OR6C4: variants seen among roughly 807,000 people sequenced by gnomAD.
The protein encoded by OR6C4 is olfactory receptor family 6 subfamily C member 4, also known as olfactory receptor 6C4.
OR6C4 carries 20 observed loss-of-function variants against 15.1 expected under a neutral mutation model. That is an observed-to-expected ratio of 1.32 (90% CI 0.93 to 1.92). The LOEUF is 1.92. Ranked by LOEUF, OR6C4 falls within the 30% of genes most tolerant of loss-of-function variation. The probability of loss-of-function intolerance (pLI) is 0.00; values close to 1 mark genes in which losing one functional copy is unlikely to be tolerated. For missense variants in OR6C4, 491 were observed against 363.2 expected (o/e 1.35, Z -2.86); for synonymous variants, 179 against 134.2 (o/e 1.33, Z -2.31).
In OR6C4 at chr12:55,549,834, A is replaced by G. The variant is rs1421536989; in HGVS notation, c.-303A>G. On this transcript the variant is annotated 5_prime_UTR_variant, in exon 1 of 2. Coordinates refer to ENST00000641569, the MANE Select transcript of OR6C4 (RefSeq NM_001005494.2). ...ATGCTCTTTTTTCTGGTTAAGTTCC[A>G]TAAGTTTGGATACTTCTATTAAGAG... 2.0e-5 allele frequency: 3 copies of G among 152,170 alleles called. No individual in the cohort carries two copies. Among genetic ancestry groups the G allele is most frequent in the Non-Finnish European group, 2.9e-5 (2 of 68,032 alleles). The allele number at this position is 152,170 out of a possible 1,614,324, so 9.4% of individuals were successfully genotyped here. A position where few individuals can be genotyped will look rare whatever the true frequency, so the allele number is the denominator to read the frequency against.
chr12:55,551,775 G>A lies in OR6C4; in HGVS notation c.549G>A (p.Val183=). Residue 183 remains valine (V), a synonymous_variant, in exon 2 of 2, where the codon GTG becomes GTA. Transcript: ENST00000641569. ...ATTACTGTGACTATGGGCCTCTCGT[G>A]GAGCTTGCCTGCTCAGACACAAGCC... ...NHYYCDYGPL[V]ELACSDTSLL... 6.8e-6 allele frequency: 11 copies of A among 1,613,074 alleles called. No homozygotes were observed. The highest frequency in any genetic ancestry group is 1.7e-4 in the Middle Eastern group (1 of 6,054).
rs1873935955 is a variant in OR6C4, at chr12:55,553,601, G to C, written c.*1445G>C. ...TCTTGTTTTCTTTGGTTGCTAGCTAGAGATTAGTGATAATATTCAATATAT... is the reference window on the plus strand; with the variant it reads ...TCTTGTTTTCTTTGGTTGCTAGCTACAGATTAGTGATAATATTCAATATAT... On this transcript the variant is annotated 3_prime_UTR_variant, in exon 2 of 2. Coordinates refer to ENST00000641569, the MANE Select transcript of OR6C4 (RefSeq NM_001005494.2). The C allele has an allele frequency of 6.6e-6, 1 of 152,120 alleles. No individual in the cohort carries two copies. The highest frequency in any genetic ancestry group is 1.5e-5 in the Non-Finnish European group (1 of 68,026). 9.4% of individuals were successfully genotyped at this position (152,120 alleles called of 1,614,324 possible). A position where few individuals can be genotyped will look rare whatever the true frequency, so the allele number is the denominator to read the frequency against.
rs750973542 is a variant in OR6C4 at position 55,551,987 on chromosome 12, T to C, written c.761T>C (p.Met254Thr). 1.9e-6 allele frequency: 3 copies of C among 1,613,888 alleles called. No homozygotes were observed. In the South Asian group the frequency reaches 3.3e-5, roughly 18 times the overall value. The change falls in exon 2 of 2, where the codon ATG (methionine) becomes ACG (threonine). Residue 254 changes from methionine to threonine, a missense_variant. By Grantham distance (81) the Met-to-Thr change is moderately conservative. Transcript: ENST00000641569. ...IVISLSYGSC[M>T]FMYINPSAKE... ...ATCTCCCTCTCTTATGGCAGCTGCA[T>C]GTTTATGTACATTAATCCTTCTGCA... is the stretch of plus-strand genomic sequence containing the variant.
rs1193861863 is a variant in OR6C4 at position 55,551,899 on chromosome 12, A to G, written c.673A>G (p.Arg225Gly). 4 of 1,613,652 alleles carry G rather than the reference A, an allele frequency of 2.5e-6. No homozygotes were observed. Among genetic ancestry groups the G allele is most frequent in the Non-Finnish European group, 3.4e-6 (4 of 1,179,898 alleles). The part of the protein sequence containing the change: ...SYTYIIRTIL[R>G]IPSAQQRTKA... Reference sequence around the variant, plus strand: ...CACATACATTATCAGGACTATTCTGAGGATCCCTTCTGCCCAGCAAAGGAC... The same window carrying G: ...CACATACATTATCAGGACTATTCTGGGGATCCCTTCTGCCCAGCAAAGGAC... Residue 225 changes from arginine (R) to glycine (G), a missense_variant, in exon 2 of 2, where the codon AGG (arginine) becomes GGG (glycine). Coordinates refer to ENST00000641569, the MANE Select transcript of OR6C4 (RefSeq NM_001005494.2).
At position 55,554,785 on chromosome 12, in the gene OR6C4, T is replaced by C. The variant is rs1873972042; in HGVS notation, c.*2629T>C. ...GAGCTTGTGGATATATGGATTACAA[T>C]TCTAAACAGGTAGTCTTCCAGCATC... is the stretch of plus-strand genomic sequence containing the variant. On this transcript the variant is annotated 3_prime_UTR_variant, in exon 2 of 2. Coordinates refer to ENST00000641569, the MANE Select transcript of OR6C4 (RefSeq NM_001005494.2). 6.6e-6 allele frequency: 1 copy of C among 152,226 alleles called. No individual in the cohort carries two copies. Among genetic ancestry groups the C allele is most frequent in the South Asian group, 2.1e-4 (1 of 4,836 alleles). 9.4% of individuals were successfully genotyped at this position (152,226 alleles called of 1,614,324 possible). A position where few individuals can be genotyped will look rare whatever the true frequency, so the allele number is the denominator to read the frequency against.
rs1236936476 is a variant in OR6C4, at chr12:55,555,551, G to A, written c.*3395G>A. The A allele has an allele frequency of 1.3e-5, 2 of 152,266 alleles. No individual in the cohort carries two copies. Among genetic ancestry groups the A allele is most frequent in the Non-Finnish European group, 2.9e-5 (2 of 68,126 alleles). The allele number at this position is 152,266 out of a possible 1,614,324, so 9.4% of individuals were successfully genotyped here. ...CCAGAAATTTGGGAGGCTGAGGAGGGTGGATCACTTGAGTTCAGGAGTTCG... is the reference window on the plus strand; with the variant it reads ...CCAGAAATTTGGGAGGCTGAGGAGGATGGATCACTTGAGTTCAGGAGTTCG... On this transcript the variant is annotated 3_prime_UTR_variant, in exon 2 of 2. Coordinates refer to ENST00000641569, the MANE Select transcript of OR6C4 (RefSeq NM_001005494.2).
Position 55,555,588 on chromosome 12 carries a change from G to T in OR6C4, c.*3432G>T, listed in dbSNP as rs976800692. On this transcript the variant is annotated 3_prime_UTR_variant, in exon 2 of 2. Coordinates refer to ENST00000641569, the MANE Select transcript of OR6C4 (RefSeq NM_001005494.2). ...AGTTCAGGAGTTCGAGACCAGCCTGGCCAACATGGTGAAACCCTGTCTCTA... is the reference window on the plus strand; with the variant it reads ...AGTTCAGGAGTTCGAGACCAGCCTGTCCAACATGGTGAAACCCTGTCTCTA... 3 of 152,160 alleles carry T rather than the reference G, an allele frequency of 2.0e-5. No individual in the cohort carries two copies. Among genetic ancestry groups the T allele is most frequent in the Non-Finnish European group, 4.4e-5 (3 of 68,068 alleles). The allele number at this position is 152,160 out of a possible 1,614,324, so 9.4% of individuals were successfully genotyped here.
Position 55,551,440 on chromosome 12 carries a change from A to G in OR6C4, c.214A>G (p.Thr72Ala), listed in dbSNP as rs765615780. The G allele has an allele frequency of 8.1e-6, 13 of 1,613,794 alleles. No individual in the cohort carries two copies. Among genetic ancestry groups the G allele is most frequent in the Admixed American group, 1.7e-5 (1 of 59,966 alleles). Residue 72 changes from threonine (T) to alanine (A), a missense_variant, in exon 2 of 2, where the codon ACA becomes GCA. Transcript: ENST00000641569. ...RNFSFLEISF[T>A]SIFIPRFLTS... is the part of the protein sequence containing the mutation. ...TTTCTCCTTCTTAGAAATTTCCTTC[A>G]CATCCATTTTTATTCCCAGATTTCT...
In OR6C4 at chr12:55,553,934, C is replaced by T. The variant is rs190574307; in HGVS notation, c.*1778C>T. 6.6e-6 allele frequency: 1 copy of T among 152,164 alleles called. No individual in the cohort carries two copies. Among genetic ancestry groups the T allele is most frequent in the Non-Finnish European group, 1.5e-5 (1 of 67,998 alleles). 9.4% of individuals were successfully genotyped at this position (152,164 alleles called of 1,614,324 possible). On this transcript the variant is annotated 3_prime_UTR_variant, in exon 2 of 2. Coordinates refer to ENST00000641569, the MANE Select transcript of OR6C4 (RefSeq NM_001005494.2). ...ATAGATGTAAAATATTAAAAGACAG[C>T]CAGTATTTATTGTGTTTAATAAATG...
chr12:55,551,782 G>C lies in OR6C4; in HGVS notation c.556G>C (p.Ala186Pro), dbSNP rs751452172. Residue 186 changes from alanine (A) to proline (P), a missense_variant, in exon 2 of 2, where the codon GCC becomes CCC. By Grantham distance (27) the Ala-to-Pro change is conservative. Transcript: ENST00000641569. ...YCDYGPLVEL[A>P]CSDTSLLELM... ...TGACTATGGGCCTCTCGTGGAGCTT[G>C]CCTGCTCAGACACAAGCCTCTTAGA... 3.1e-6 allele frequency: 5 copies of C among 1,612,568 alleles called. No homozygotes were observed. The highest frequency in any genetic ancestry group is 4.2e-6 in the Non-Finnish European group (5 of 1,179,914).
At position 55,555,223 on chromosome 12, in the gene OR6C4, T is replaced by G. The variant is rs1279882817; in HGVS notation, c.*3067T>G. 1 of 152,110 alleles carries G rather than the reference T, an allele frequency of 6.6e-6. No individual in the cohort carries two copies. Among genetic ancestry groups the G allele is most frequent in the Non-Finnish European group, 1.5e-5 (1 of 68,008 alleles). 9.4% of individuals were successfully genotyped at this position (152,110 alleles called of 1,614,324 possible). ...ATAGTGGTGAATTCTGGGATTTTAG[T>G]GCACCTGTCACCCAAGTAGTATACA... On this transcript the variant is annotated 3_prime_UTR_variant, in exon 2 of 2. Coordinates refer to ENST00000641569, the MANE Select transcript of OR6C4 (RefSeq NM_001005494.2).
At position 55,551,327 on chromosome 12, in the gene OR6C4, T is replaced by C. The variant is rs779130966; in HGVS notation, c.101T>C (p.Met34Thr). 8 of 1,613,574 alleles carry C rather than the reference T, an allele frequency of 5.0e-6. No homozygotes were observed. Among genetic ancestry groups the C allele is most frequent in the Non-Finnish European group, 6.8e-6 (8 of 1,179,676 alleles). The change falls in exon 2 of 2, where the codon ATG becomes ACG. Residue 34 changes from methionine (M) to threonine (T), a missense_variant. By Grantham distance (81) the Met-to-Thr change is moderately conservative. Coordinates refer to ENST00000641569, the MANE Select transcript of OR6C4 (RefSeq NM_001005494.2). ...MIFIFLFLTY[M>T]LSILGNLTII... ...TTCATCTTTCTGTTCCTCACCTACA[T>C]GCTAAGTATCCTAGGAAATCTGACT...
rs1873897228 is a variant in OR6C4, at chr12:55,552,305, GAT to G, written c.*155_*156del. ...AAACTATAGTCTAGAATCAAGGAAA[GAT>G]ATATAAATGGTAAATTTATGTAATA... On this transcript the variant is annotated 3_prime_UTR_variant, in exon 2 of 2. Coordinates refer to ENST00000641569, the MANE Select transcript of OR6C4 (RefSeq NM_001005494.2). The G allele has an allele frequency of 7.7e-6, 4 of 518,724 alleles. No individual in the cohort carries two copies. In the South Asian group the frequency reaches 9.7e-5, roughly 13 times the overall value. The allele number at this position is 518,724 out of a possible 1,614,324, so 32.1% of individuals were successfully genotyped here. A position where few individuals can be genotyped will look rare whatever the true frequency, so the allele number is the denominator to read the frequency against.
rs1873952472 is a variant in OR6C4, at chr12:55,554,138, T to G, written c.*1982T>G. ...TCTACTCTCCACACATCCAGCTGCA[T>G]GCTGGGTAGCTGGGTCAGCAAAGAT... On this transcript the variant is annotated 3_prime_UTR_variant, in exon 2 of 2. Coordinates refer to ENST00000641569, the MANE Select transcript of OR6C4 (RefSeq NM_001005494.2). 1 of 152,160 alleles carries G rather than the reference T, an allele frequency of 6.6e-6. No individual in the cohort carries two copies. The highest frequency in any genetic ancestry group is 1.5e-5 in the Non-Finnish European group (1 of 68,022). The allele number at this position is 152,160 out of a possible 1,614,324, so 9.4% of individuals were successfully genotyped here.
In OR6C4 at chr12:55,549,801, A is replaced by C. The variant is rs1325026197; in HGVS notation, c.-336A>C. ...ATTCTGGATTGGATTCTTAGAATGG[A>C]AAATAATATGCTCTTTTTTCTGGTT... On this transcript the variant is annotated 5_prime_UTR_variant, in exon 1 of 2. Coordinates refer to ENST00000641569, the MANE Select transcript of OR6C4 (RefSeq NM_001005494.2). 2 of 152,150 alleles carry C rather than the reference A, an allele frequency of 1.3e-5. No individual in the cohort carries two copies. The highest frequency in any genetic ancestry group is 2.9e-5 in the Non-Finnish European group (2 of 68,030). The allele number at this position is 152,150 out of a possible 1,614,324, so 9.4% of individuals were successfully genotyped here.
In OR6C4 at chr12:55,553,543, GTA is replaced by G. The variant is rs1375146975; in HGVS notation, c.*1389_*1390del. The G allele has an allele frequency of 6.6e-6, 1 of 152,148 alleles. No individual in the cohort carries two copies. Among genetic ancestry groups the G allele is most frequent in the Non-Finnish European group, 1.5e-5 (1 of 68,008 alleles). The allele number at this position is 152,148 out of a possible 1,614,324, so 9.4% of individuals were successfully genotyped here. A position where few individuals can be genotyped will look rare whatever the true frequency, so the allele number is the denominator to read the frequency against. On this transcript the variant is annotated 3_prime_UTR_variant, in exon 2 of 2. Transcript: ENST00000641569. ...GAGAATGTATAATATTTTTGAAAAA[GTA>G]TTTTATGTAAAGCTGTTGCTATTCT... is the stretch of plus-strand genomic sequence containing the variant.
chr12:55,551,305 A>C lies in OR6C4; in HGVS notation c.79A>C (p.Ile27Leu), dbSNP rs763844811. ...NQPELQVMIF[I>L]FLFLTYMLSI... ...ACCTGAACTCCAAGTGATGATATTC[A>C]TCTTTCTGTTCCTCACCTACATGCT... Residue 27 changes from isoleucine to leucine, a missense_variant, in exon 2 of 2, where the codon ATC becomes CTC. Ile to Leu is a conservative substitution (Grantham distance 5). Coordinates refer to ENST00000641569, the MANE Select transcript of OR6C4 (RefSeq NM_001005494.2). 5.6e-6 allele frequency: 9 copies of C among 1,613,708 alleles called. No individual in the cohort carries two copies. In the East Asian group the frequency reaches 2.0e-4, roughly 36 times the overall value.
intron 1 of OR6C4, 139 bp from the exon 2 acceptor site, chr12:55,551,070 G>C (rs958898383): frequency 3.4e-6 from 2 of 593,082 alleles, no homozygotes; most frequent in South Asian, 2.3e-5. Flanking sequence ...ATGGAGCCAA[G>C]TGCACCCCAA....
In OR6C4 at chr12:55,555,800, T is replaced by TA. The variant is rs973054483; in HGVS notation, c.*3650dup. The TA allele has an allele frequency of 1.3e-5, 2 of 152,160 alleles. No individual in the cohort carries two copies. The highest frequency in any genetic ancestry group is 1.9e-4 in the East Asian group (1 of 5,182). 9.4% of individuals were successfully genotyped at this position (152,160 alleles called of 1,614,324 possible). Reference sequence around the variant, plus strand: ...CTCAAAAAAACATAAAATAAAATAATAAAAAATGTTGCTTCTTTTCATGGC... The same window carrying TA: ...CTCAAAAAAACATAAAATAAAATAATAAAAAAATGTTGCTTCTTTTCATGGC... On this transcript the variant is annotated 3_prime_UTR_variant, in exon 2 of 2. Transcript: ENST00000641569.
Sources: gnomAD v4.1 joint callset for allele counts on GRCh38, gnomAD v4.1.1 for gene constraint, MANE v1.5 for transcripts, NCBI Gene and HGNC (gene_info 2026-07-23, HGNC 2026-07-21) for gene names.